The following CALCRL variants were observed in gnomAD, a reference collection of about 807,000 sequenced individuals.
CALCRL encodes calcitonin gene-related peptide type 1 receptor.
CALCRL carries 27 observed loss-of-function variants against 60.4 expected under a neutral mutation model. The observed-to-expected ratio is 0.45, with a 90% confidence interval of 0.33 to 0.62. The LOEUF (loss-of-function observed/expected upper bound fraction) is 0.62. CALCRL is among the 20% of genes least tolerant of loss of function. The probability of loss-of-function intolerance (pLI) is 0.03; values close to 1 mark genes in which losing one functional copy is unlikely to be tolerated. For missense variants in CALCRL, 424 were observed against 540.7 expected (o/e 0.78, Z 2.14); for synonymous variants, 190 against 182.6 (o/e 1.04, Z -0.33).
chr2:187,348,659 G>C (rs957123942), intron 14 of CALCRL, among the ~76,000 whole-genome samples: 9 of 151,516 alleles, frequency 5.9e-5, no homozygotes, highest in African/African-American at 2.2e-4. Context: ...ACCATAGAAA[G>C]CCAATTTCAT....
At chr2:187,390,604 T>A (rs898543198) in intron 1 of CALCRL, among the ~76,000 whole-genome samples, 1 of 152,160 alleles carries the variant, frequency 6.6e-6, no homozygotes, top group Non-Finnish European at 1.5e-5. Context: ...TATCTCTTAG[T>A]GGTAACTAAA....
intron 5 of CALCRL, 32 bp downstream of exon 5, chr2:187,383,140 CA>C: frequency 1.3e-6 from 2 of 1,597,090 alleles, no homozygotes; most frequent in Non-Finnish European, 1.7e-6. Context: ...AAAAATATGT[CA>C]AATGCATTTA....
intron 1 of CALCRL, among the ~76,000 whole-genome samples, chr2:187,403,369 T>G (rs940823077): frequency 3.3e-5 from 5 of 151,748 alleles, no homozygotes; most frequent in African/African-American, 2.4e-5. Context: ...TTCTCACATC[T>G]TGAAGAAAAA....
chr2:187,403,234 T>C (rs1472841530), intron 1 of CALCRL, among the ~76,000 whole-genome samples: 1 of 151,912 alleles, frequency 6.6e-6, no homozygotes, highest in African/African-American at 2.4e-5. Context: ...ATGTGAGAGC[T>C]TGGCAAGTGC....
rs1446990252 is a variant in CALCRL at position 187,344,298 on chromosome 2, A to AT, written c.*1885dup. Reference sequence around the variant, plus strand: ...ATAAATGTACTGACCAGACCATTCTATATGTTAATTCTTACGAATTTAGAT... The same window carrying AT: ...ATAAATGTACTGACCAGACCATTCTATTATGTTAATTCTTACGAATTTAGAT... On this transcript the variant is annotated 3_prime_UTR_variant, in exon 15 of 15. Coordinates refer to ENST00000392370, the MANE Select transcript of CALCRL (RefSeq NM_005795.6). 1.3e-5 allele frequency: 2 copies of AT among 151,674 alleles called. No homozygotes were observed. Among genetic ancestry groups the AT allele is most frequent in the Non-Finnish European group, 3.0e-5 (2 of 67,690 alleles). The allele number at this position is 151,674 out of a possible 1,614,324, so 9.4% of individuals were successfully genotyped here. A position where few individuals can be genotyped will look rare whatever the true frequency, so the allele number is the denominator to read the frequency against.
chr2:187,394,707 G>T (rs564165330), intron 1 of CALCRL, among the ~76,000 whole-genome samples: 6 of 152,004 alleles, frequency 3.9e-5, no homozygotes, highest in African/African-American at 1.4e-4. Flanking sequence ...ACTAGATAAT[G>T]AGTATAAAAC....
At chr2:187,410,288 A>G (rs1264354179) in intron 1 of CALCRL, among the ~76,000 whole-genome samples, 1 of 152,184 alleles carries the variant, frequency 6.6e-6, no homozygotes, top group Non-Finnish European at 1.5e-5. Flanking sequence ...GAAGAGTTTC[A>G]ATGTATTAAA....
At chr2:187,445,148 G>A (rs1912850) in intron 1 of CALCRL, among the ~76,000 whole-genome samples, 73,800 of 151,086 alleles carry the variant, frequency 0.49, 19,089 homozygotes, top group East Asian at 0.66. Flanking sequence ...TATCTTAAGC[G>A]TATTCTCCAA....
At chr2:187,379,960 T>A (rs1328810935) in intron 7 of CALCRL, among the ~76,000 whole-genome samples, 2 of 152,216 alleles carry the variant, frequency 1.3e-5, no homozygotes, top group Admixed American at 6.5e-5. Context: ...CTATCGAAGC[T>A]ATATTATAGT....
intron 14 of CALCRL, 84 bp downstream of exon 14, chr2:187,351,836 A>G: frequency 1.2e-6 from 1 of 848,968 alleles, no homozygotes; most frequent in Admixed American, 2.7e-5. Context: ...TGGGGAATTT[A>G]TAATTTTATC....
intron 1 of CALCRL, among the ~76,000 whole-genome samples, chr2:187,414,401 G>C (rs1689503609): frequency 6.6e-6 from 1 of 151,972 alleles, no homozygotes; most frequent in Non-Finnish European, 1.5e-5. Flanking sequence ...AAGTATAAAT[G>C]CATGGCCACA....
At chr2:187,424,313 C>A (rs1485397561) in intron 1 of CALCRL, among the ~76,000 whole-genome samples, 1 of 151,866 alleles carries the variant, frequency 6.6e-6, no homozygotes, top group African/African-American at 2.4e-5. Context: ...TTGGGTTTTC[C>A]TTTGTGAGCT....
At chr2:187,353,956 T>TTAA (rs141474280) in intron 12 of CALCRL, among the ~76,000 whole-genome samples, 131,727 of 151,656 alleles carry the variant, frequency 0.87, 57,427 homozygotes, top group African/African-American at 0.91. Context: ...GACAATAGAG[T>TTAA]TTATTCTATT....
chr2:187,369,956 C>G (rs2105752801), intron 8 of CALCRL, among the ~76,000 whole-genome samples: 1 of 152,252 alleles, frequency 6.6e-6, no homozygotes, highest in Non-Finnish European at 1.5e-5. Context: ...TAAACGTCCA[C>G]CATGGCTTTT....
At chr2:187,354,904 C>T (rs370167342) in intron 12 of CALCRL, among the ~76,000 whole-genome samples, 4 of 152,110 alleles carry the variant, frequency 2.6e-5, no homozygotes, top group African/African-American at 9.6e-5. Flanking sequence ...CCCCTCTGTG[C>T]AGCCAGATCT....
chr2:187,418,008 C>T (rs1689694633), intron 1 of CALCRL, among the ~76,000 whole-genome samples: 1 of 152,098 alleles, frequency 6.6e-6, no homozygotes, highest in South Asian at 2.1e-4. Context: ...GCCCAATTCC[C>T]ACTGTAACCA....
chr2:187,410,112 G>T (rs577652238), intron 1 of CALCRL, among the ~76,000 whole-genome samples: 1 of 152,254 alleles, frequency 6.6e-6, no homozygotes, highest in East Asian at 1.9e-4. Context: ...AGAAGTGAGG[G>T]TGAAAACAAG....
intron 1 of CALCRL, among the ~76,000 whole-genome samples, chr2:187,392,309 AT>A (rs1417673294): frequency 6.6e-6 from 1 of 152,068 alleles, no homozygotes; most frequent in Non-Finnish European, 1.5e-5. Context: ...TCTGTTTTTC[AT>A]TTATGTATCC....
At chr2:187,394,646 C>T (rs886581761) in intron 1 of CALCRL, among the ~76,000 whole-genome samples, 1 of 151,940 alleles carries the variant, frequency 6.6e-6, no homozygotes, top group African/African-American at 2.4e-5. Context: ...TTCTAAATTG[C>T]TGTGTAATTT....
Sources: allele counts gnomAD v4.1 joint callset (sites outside exome capture counted in the v4.1 genomes callset), GRCh38; gene constraint gnomAD v4.1.1; transcripts MANE v1.5; gene names NCBI Gene and HGNC (gene_info 2026-07-23, HGNC 2026-07-21).